OTUD7A: variants seen among roughly 807,000 people sequenced by gnomAD.
OTUD7A encodes OTU deubiquitinase 7A, also known as OTU domain-containing protein 7A.
Under a neutral mutation model 65.7 loss-of-function variants are expected in OTUD7A, and 12 were observed. The ratio of observed to expected loss-of-function variants is 0.18; its 90% confidence interval spans 0.12 to 0.30. The LOEUF is 0.30. Ranked by LOEUF, OTUD7A falls within the 10% of genes least tolerant of loss-of-function variation. The probability of loss-of-function intolerance (pLI) is 1.00; values close to 1 mark genes in which losing one functional copy is unlikely to be tolerated. For synonymous variants in OTUD7A, 641 were observed against 586.3 expected (o/e 1.09, Z -1.35); for missense variants, 1,148 against 1,304.8 (o/e 0.88, Z 1.85).
chr15:31,484,768 G>A lies in OTUD7A; in HGVS notation c.1372-44C>T, dbSNP rs768618566. On this transcript the variant is annotated intron_variant, in intron 12 of 12. Coordinates refer to ENST00000307050, the MANE Select transcript of OTUD7A (RefSeq NM_001382637.1). This position sits in a 1 kb window ranked among gnomAD's most constrained non-coding sequence, Gnocchi z 4.5. ...CCGGATCGAAGGTGGTTAGAGAAGAGCTGTCCACGCGCCAGCGAGGAAGAC... is the reference window on the plus strand; with the variant it reads ...CCGGATCGAAGGTGGTTAGAGAAGAACTGTCCACGCGCCAGCGAGGAAGAC... The A allele has an allele frequency of 2.3e-5, 36 of 1,575,104 alleles. No individual in the cohort carries two copies. In the Middle Eastern group the frequency reaches 3.2e-3, roughly 138 times the overall value.
At chr15:31,723,382 G>A (rs1045221795) in intron 1 of OTUD7A, among the ~76,000 whole-genome samples, 1 of 38,738 alleles carries the variant, frequency 2.6e-5, no homozygotes, top group Non-Finnish European at 5.1e-5. Flanking sequence ...ACTGCCCCCC[G>A]CACCGCACGC....
chr15:31,765,227 CACAT>C (rs1471561835), intron 1 of OTUD7A, among the ~76,000 whole-genome samples: 2 of 151,814 alleles, frequency 1.3e-5, no homozygotes, highest in Non-Finnish European at 2.9e-5. Context: ...ATTTTAAAAA[CACAT>C]ACATATATAT....
At chr15:31,649,040 C>T (rs913774645) in intron 3 of OTUD7A, among the ~76,000 whole-genome samples, 1 of 152,192 alleles carries the variant, frequency 6.6e-6, no homozygotes, top group Admixed American at 6.5e-5. Flanking sequence ...GGATTACAGG[C>T]ATGAGCCACC....
At chr15:31,757,459 A>G (rs922351992) in intron 1 of OTUD7A, among the ~76,000 whole-genome samples, 1 of 151,932 alleles carries the variant, frequency 6.6e-6, no homozygotes, top group Non-Finnish European at 1.5e-5. Flanking sequence ...TGCTACTGCT[A>G]CCACTTAAAC....
intron 1 of OTUD7A, among the ~76,000 whole-genome samples, chr15:31,858,942 A>G (rs1269859881): frequency 1.3e-5 from 2 of 152,224 alleles, no homozygotes; most frequent in Admixed American, 1.3e-4. Context: ...GTGGAAAACC[A>G]CAAACTGCCA....
rs2041179879 is a variant in OTUD7A at position 31,483,812 on chromosome 15, T to A, written c.2284A>T (p.Ser762Cys). Residue 762 changes from serine to cysteine, a missense_variant, in exon 13 of 13, where the codon AGC becomes TGC. By Grantham distance (112) the Ser-to-Cys change is moderately radical. Transcript: ENST00000307050. ...GGGCTGCGGCCAGGCACTGGTCCGC[T>A]GGCGCTCGCACGCCGCGCGCCTCCC... ...PGGGARRASASGPVPGRSPPA... is the reference protein window; with the variant it reads ...PGGGARRASACGPVPGRSPPA... The A allele has an allele frequency of 2.0e-6, 2 of 1,003,406 alleles. No individual in the cohort carries two copies. Among genetic ancestry groups the A allele is most frequent in the African/African-American group, 3.6e-5 (2 of 56,120 alleles). The allele number at this position is 1,003,406 out of a possible 1,614,324, so 62.2% of individuals were successfully genotyped here. A position where few individuals can be genotyped will look rare whatever the true frequency, so the allele number is the denominator to read the frequency against.
chr15:31,773,275 T>G (rs570255322), intron 1 of OTUD7A, among the ~76,000 whole-genome samples: 2 of 152,324 alleles, frequency 1.3e-5, no homozygotes, highest in East Asian at 3.9e-4. Context: ...CCACACTCAG[T>G]CTAGTTAGTT....
rs1272077404 is a variant in OTUD7A, at chr15:31,527,856, G to T, written c.653-548C>A. Among the ~76,000 whole-genome samples the T allele has an allele frequency of 9.2e-5, 14 of 152,238 alleles. 1 individual carries two copies. Among genetic ancestry groups the T allele is most frequent in the Admixed American group, 8.5e-4 (13 of 15,284 alleles). On this transcript the variant is annotated intron_variant, in intron 6 of 12. Transcript: ENST00000307050. Reference sequence around the variant, plus strand: ...AGAGCGCCTGCTTCCTAGTGAGAGGGTCTCACCCTGTGCCAGGTGCTGAGA... The same window carrying T: ...AGAGCGCCTGCTTCCTAGTGAGAGGTTCTCACCCTGTGCCAGGTGCTGAGA...
At chr15:31,782,559 GCA>G (rs903278117) in intron 1 of OTUD7A, among the ~76,000 whole-genome samples, 7 of 152,200 alleles carry the variant, frequency 4.6e-5, no homozygotes, top group Non-Finnish European at 1.0e-4. Context: ...ACACCCAGGG[GCA>G]CGGGAGATGA....
intron 1 of OTUD7A, among the ~76,000 whole-genome samples, chr15:31,797,551 TC>T (rs1235600727): frequency 6.6e-6 from 1 of 152,202 alleles, no homozygotes; most frequent in African/African-American, 2.4e-5. Context: ...CCTTGCCCTG[TC>T]CTTCTTCACT....
intron 3 of OTUD7A, among the ~76,000 whole-genome samples, chr15:31,570,816 A>G (rs1889029939): frequency 6.6e-6 from 1 of 151,950 alleles, no homozygotes; most frequent in South Asian, 2.1e-4. Context: ...GGGGTGCTGG[A>G]CTGGCACTTC....
At chr15:31,527,493 T>G (rs1004734090) in intron 6 of OTUD7A, among the ~76,000 whole-genome samples, 185 bp from the exon 7 acceptor site, 1 of 152,168 alleles carries the variant, frequency 6.6e-6, no homozygotes, top group Non-Finnish European at 1.5e-5. Context: ...TTAAGGCAAC[T>G]AGGTGAATGA....
At chr15:31,563,662 A>T (rs537520874) in intron 4 of OTUD7A, among the ~76,000 whole-genome samples, 1 of 152,150 alleles carries the variant, frequency 6.6e-6, no homozygotes, top group African/African-American at 2.4e-5. Flanking sequence ...GGCACCAGTC[A>T]CCATAAGCAC....
chr15:31,750,581 G>C (rs1894606777), intron 1 of OTUD7A, among the ~76,000 whole-genome samples: 1 of 151,946 alleles, frequency 6.6e-6, no homozygotes, highest in Non-Finnish European at 1.5e-5. Context: ...AAAGCTGGAG[G>C]CATCTCATTA....
intron 5 of OTUD7A, among the ~76,000 whole-genome samples, chr15:31,552,786 G>A (rs945936119): frequency 2.6e-5 from 4 of 152,222 alleles, no homozygotes; most frequent in African/African-American, 9.6e-5. Context: ...CAGAGTCGCA[G>A]CCGCGACTCT....
At chr15:31,762,542 G>A (rs774021391) in intron 1 of OTUD7A, among the ~76,000 whole-genome samples, 9 of 152,252 alleles carry the variant, frequency 5.9e-5, no homozygotes, top group Admixed American at 3.9e-4. Flanking sequence ...GTGCATGCAC[G>A]AATCTAACCC....
intron 1 of OTUD7A, among the ~76,000 whole-genome samples, chr15:31,694,097 G>A (rs535813779): frequency 3.3e-4 from 50 of 152,330 alleles, no homozygotes; most frequent in African/African-American, 1.2e-3. Flanking sequence ...AAAATGAGCA[G>A]CAGCTACCCA....
At chr15:31,768,191 C>T (rs1567012498) in intron 1 of OTUD7A, 9 of 1,231,012 alleles carry the variant, frequency 7.3e-6, no homozygotes, top group South Asian at 3.6e-5. Flanking sequence ...AGGCACAACC[C>T]GACTCTCCAC....
chr15:31,786,492 T>C (rs1443128352), intron 1 of OTUD7A, among the ~76,000 whole-genome samples: 3 of 152,154 alleles, frequency 2.0e-5, no homozygotes, highest in African/African-American at 7.2e-5. Flanking sequence ...GGTGTGTGCC[T>C]GGACAGGGTG....
Sources: gnomAD v4.1 joint callset for allele counts (sites outside exome capture counted in the v4.1 genomes callset) on GRCh38, gnomAD v4.1.1 for gene constraint, Gnocchi (gnomAD v3.1) non-coding constraint, MANE v1.5 for transcripts, NCBI Gene and HGNC (gene_info 2026-07-23, HGNC 2026-07-21) for gene names.